MICAL3: variants seen among roughly 807,000 people sequenced by gnomAD.
The protein encoded by MICAL3 is microtubule associated monooxygenase, calponin and LIM domain containing 3.
In MICAL3, 62 loss-of-function variants were observed where a neutral mutation model predicts 207.4. The ratio of observed to expected loss-of-function variants is 0.30; its 90% confidence interval spans 0.24 to 0.37. The LOEUF (loss-of-function observed/expected upper bound fraction) is 0.37. Among genes scored for constraint, MICAL3 ranks in the 10% least tolerant of loss-of-function variants. The pLI is 1.00. For synonymous variants in MICAL3, 1,077 were observed against 1,069.3 expected, an observed-to-expected ratio of 1.01 and a Z score of -0.14; for missense variants, 2,368 against 2,635.6, an observed-to-expected ratio of 0.90 and a Z score of 2.22.
chr22:18,014,899 A>T lies in MICAL3; in HGVS notation c.-75+9382T>A, dbSNP rs9618184. 8.0e-3 allele frequency among the ~76,000 whole-genome samples: 1,223 copies of T among 152,152 alleles called. 21 individuals carry two copies. Among genetic ancestry groups the T allele is most frequent in the African/African-American group, 0.028 (1,182 of 41,516 alleles). ...CCCCAGCTACTCGGGAGGCTGAGGC[A>T]GGAGAATGGCATGAACCCAGAAGCT... On this transcript the variant is annotated intron_variant, in intron 1 of 31. Transcript: ENST00000441493.
chr22:17,863,418 C>A (rs756808791), intron 19 of MICAL3: 1 of 985,410 alleles, frequency 1.0e-6, no homozygotes. Flanking sequence ...TCTGTCTAGA[C>A]CCCTTTGGTT....
chr22:17,953,951 AAAAAAAAAAAAAAAAAG>A (rs1934483480), intron 1 of MICAL3, among the ~76,000 whole-genome samples: 1 of 39,756 alleles, frequency 2.5e-5, no homozygotes, highest in Non-Finnish European at 5.6e-5. Context: ...AAAAAAAAAA[AAAAAAAAAAAAAAAAAG>A]AAAAGAAAAA....
chr22:18,015,423 T>C lies in MICAL3; in HGVS notation c.-75+8858A>G, dbSNP rs1463406175. On this transcript the variant is annotated intron_variant, in intron 1 of 31. Coordinates refer to ENST00000441493, the MANE Select transcript of MICAL3 (RefSeq NM_015241.3). ...ACAAATTTAAGATTTAAGACTCATC[T>C]TTTTTTTTTTTTTTTTTTTGAGATG... Among the ~76,000 whole-genome samples, 44 of 14,532 alleles carry C rather than the reference T, an allele frequency of 3.0e-3. 1 individual carries two copies. The Admixed American group carries it at 0.032, about 10-fold the overall frequency. 9.5% of individuals were successfully genotyped at this position (14,532 alleles called of 152,430 possible).
chr22:17,822,528 G>C (rs1221710622), intron 23 of MICAL3, among the ~76,000 whole-genome samples: 1 of 152,212 alleles, frequency 6.6e-6, no homozygotes, highest in Non-Finnish European at 1.5e-5. Flanking sequence ...CCTCCTCTCA[G>C]TAGCCCTGAC....
chr22:17,929,601 T>G (rs1933139444), intron 1 of MICAL3, among the ~76,000 whole-genome samples: 1 of 143,704 alleles, frequency 7.0e-6, no homozygotes, highest in Admixed American at 7.1e-5. Flanking sequence ...AGGGTCTTGC[T>G]CTGTTGCCCA....
At chr22:17,914,576 G>A (rs1484684028) in intron 1 of MICAL3, among the ~76,000 whole-genome samples, 2 of 152,144 alleles carry the variant, frequency 1.3e-5, no homozygotes, top group Admixed American at 6.5e-5. Context: ...AACCACCCGA[G>A]AGCAGGAACT....
At chr22:17,947,998 C>T (rs554573483) in intron 1 of MICAL3, among the ~76,000 whole-genome samples, 1 of 152,084 alleles carries the variant, frequency 6.6e-6, no homozygotes, top group Admixed American at 6.5e-5. Flanking sequence ...ACAAAACTGC[C>T]AGTACAGATC....
In MICAL3 at chr22:17,828,617, G is replaced by A. The variant is rs140835667; in HGVS notation, c.3056-836C>T. Reference sequence around the variant, plus strand: ...AAGCCCTCACCTGAGAACTCCATGTGGTGCCCTGCTTATCACCTCTGGAAA... The same window carrying A: ...AAGCCCTCACCTGAGAACTCCATGTAGTGCCCTGCTTATCACCTCTGGAAA... On this transcript the variant is annotated intron_variant, in intron 21 of 31. Transcript: ENST00000441493. 2.6e-5 allele frequency among the ~76,000 whole-genome samples: 4 copies of A among 152,346 alleles called. No homozygotes were observed. The East Asian group carries it at 7.7e-4, about 29-fold the overall frequency.
chr22:17,803,775 C>A (rs544352249), intron 29 of MICAL3: 3 of 974,892 alleles, frequency 3.1e-6, no homozygotes, highest in African/African-American at 1.8e-5. Flanking sequence ...AGGGCGTCAG[C>A]GGGGTTAGTG....
chr22:18,003,051 T>C (rs1181275307), intron 1 of MICAL3, among the ~76,000 whole-genome samples: 1 of 151,202 alleles, frequency 6.6e-6, no homozygotes, highest in African/African-American at 2.4e-5. Context: ...TCCCAGCTAC[T>C]CAGGAGGCTG....
chr22:18,001,989 A>G (rs961021615), intron 1 of MICAL3, among the ~76,000 whole-genome samples: 8 of 151,570 alleles, frequency 5.3e-5, no homozygotes, highest in Non-Finnish European at 1.5e-5. Flanking sequence ...CTTGAGGTCA[A>G]GAGTTCAAGA....
chr22:17,987,506 C>A (rs770171740), intron 1 of MICAL3, among the ~76,000 whole-genome samples: 3 of 152,218 alleles, frequency 2.0e-5, no homozygotes, highest in Non-Finnish European at 4.4e-5. Context: ...GGCCTTCTGC[C>A]CCCTGGGCAG....
chr22:17,968,445 C>T (rs1324421895), intron 1 of MICAL3, among the ~76,000 whole-genome samples: 3 of 152,164 alleles, frequency 2.0e-5, no homozygotes, highest in Admixed American at 6.5e-5. Flanking sequence ...GCTCCACAGT[C>T]GCAGACTCAA....
chr22:17,897,601 C>T (rs1569122857), intron 7 of MICAL3, among the ~76,000 whole-genome samples: 1 of 152,034 alleles, frequency 6.6e-6, no homozygotes, highest in Non-Finnish European at 1.5e-5. Context: ...CCTGACAGTA[C>T]TTTGTGAACT....
At position 17,800,134 on chromosome 22, in the gene MICAL3, C is replaced by T. The variant is rs1354738785; in HGVS notation, c.5650+8710G>A. ...GGCTGCTCAGAAGGGCAGGGGCTGGCGTCCCTGCACCTCCATCTCACAACA... is the reference window on the plus strand; with the variant it reads ...GGCTGCTCAGAAGGGCAGGGGCTGGTGTCCCTGCACCTCCATCTCACAACA... On this transcript the variant is annotated intron_variant, in intron 29 of 31. Transcript: ENST00000441493. Among the ~76,000 whole-genome samples, 3 of 152,030 alleles carry T rather than the reference C, an allele frequency of 2.0e-5. No homozygotes were observed. The East Asian group carries it at 5.8e-4, about 29-fold the overall frequency.
chr22:17,969,768 G>A (rs1012560509), intron 1 of MICAL3, among the ~76,000 whole-genome samples: 4 of 152,234 alleles, frequency 2.6e-5, no homozygotes, highest in Admixed American at 1.3e-4. Flanking sequence ...TGTGAGAAGC[G>A]CAGCGTCTAG....
intron 27 of MICAL3, chr22:17,813,593 C>G (rs781615700): frequency 6.6e-6 from 1 of 152,258 alleles, no homozygotes. Context: ...TTTCCCGAAG[C>G]GGCTGCAAAA....
chr22:17,882,423 T>C lies in MICAL3; in HGVS notation c.2241+3455A>G, dbSNP rs1450588601. ...ATGGGATGCTGCCAGTCAGCCCTGC[T>C]TCTTGAAGGGAGATGCGGAGGGCCA... On this transcript the variant is annotated intron_variant, in intron 16 of 31. Coordinates refer to ENST00000441493, the MANE Select transcript of MICAL3 (RefSeq NM_015241.3). 3.3e-5 allele frequency among the ~76,000 whole-genome samples: 5 copies of C among 152,180 alleles called. No homozygotes were observed. In the South Asian group the frequency reaches 1.0e-3, roughly 32 times the overall value.
chr22:17,939,577 G>A (rs1382046924), intron 1 of MICAL3, among the ~76,000 whole-genome samples: 1 of 152,196 alleles, frequency 6.6e-6, no homozygotes, highest in Non-Finnish European at 1.5e-5. Context: ...GCCACATGAA[G>A]GGCTCTGACT....
Sources: gnomAD v4.1 joint callset for allele counts (sites outside exome capture counted in the v4.1 genomes callset) on GRCh38, gnomAD v4.1.1 for gene constraint, MANE v1.5 for transcripts, NCBI Gene and HGNC (gene_info 2026-07-23, HGNC 2026-07-21) for gene names.